Variants in LRFN2 observed in about 807,000 individuals in gnomAD.
LRFN2 encodes leucine rich repeat and fibronectin type III domain containing 2, also known as leucine-rich repeat and fibronectin type-III domain-containing protein 2.
A neutral mutation model predicts 37.3 loss-of-function variants in LRFN2; 18 were observed. The ratio of observed to expected loss-of-function variants is 0.48; its 90% CI spans 0.33 to 0.72. LRFN2 has a LOEUF of 0.72. Ranked by LOEUF, LRFN2 falls within the 30% of genes least tolerant of loss-of-function variation. LRFN2 has a pLI of 0.02. For missense variants in LRFN2, 1,006 were observed against 1,060.7 expected (o/e 0.95, Z 0.72); for synonymous variants, 556 against 466.6 (o/e 1.19, Z -2.47).
chr6:40,431,867 T>C lies in LRFN2; in HGVS notation c.1247A>G (p.Glu416Gly). The C allele has an allele frequency of 6.3e-7, 1 of 1,598,050 alleles. No individual in the cohort carries two copies. Among genetic ancestry groups the C allele is most frequent in the Non-Finnish European group, 8.5e-7 (1 of 1,170,820 alleles). Residue 416 changes from glutamate (E) to glycine (G), a missense_variant, in exon 2 of 3, where the codon GAG (glutamate) becomes GGG (glycine). Physicochemically the swap from Glu to Gly is moderately conservative, Grantham distance 98. Coordinates refer to ENST00000338305, the MANE Select transcript of LRFN2 (RefSeq NM_020737.3). ...CCGTTCCGGGGGGCTTTTGGGAGGC[T>C]CTCCGCCCCCACTGCCTCCACCTCC... The part of the protein sequence containing the change: ...SRGGGGSGGG[E>G]PPKSPPERAV...
intron 1 of LRFN2, among the ~76,000 whole-genome samples, chr6:40,568,155 T>C (rs1305088443): frequency 6.6e-6 from 1 of 152,204 alleles, no homozygotes; most frequent in Non-Finnish European, 1.5e-5. Context: ...AAGAGAAATA[T>C]GTACAGATAA....
chr6:40,544,444 T>C (rs1386692981), intron 1 of LRFN2, among the ~76,000 whole-genome samples: 2 of 152,202 alleles, frequency 1.3e-5, no homozygotes, highest in Non-Finnish European at 2.9e-5. Flanking sequence ...TCTCAGTGGA[T>C]TTGAGTAAAC....
intron 1 of LRFN2, among the ~76,000 whole-genome samples, chr6:40,443,007 T>A (rs1463178907): frequency 7.0e-6 from 1 of 141,958 alleles, no homozygotes; most frequent in Non-Finnish European, 1.6e-5. Context: ...AGGATTCTAA[T>A]AACCCCTCTT....
At chr6:40,550,235 G>T (rs1450343843) in intron 1 of LRFN2, among the ~76,000 whole-genome samples, 1 of 152,066 alleles carries the variant, frequency 6.6e-6, no homozygotes, top group African/African-American at 2.4e-5. Flanking sequence ...AAGGGCTAGG[G>T]TATGAGCAGA....
In LRFN2 at chr6:40,395,806, G is replaced by A. The variant is rs6925829; in HGVS notation, c.1401-2894C>T. Among the ~76,000 whole-genome samples, 1,165 of 152,306 alleles carry A rather than the reference G, an allele frequency of 7.6e-3. 6 individuals are homozygous for A. Among genetic ancestry groups the A allele is most frequent in the Non-Finnish European group, 0.012 (799 of 68,014 alleles). ...ATGGCAGAGCTGGGATTAAATCCCA[G>A]GGAGGCCACCGTCAGTCTGCTCTGA... On this transcript the variant is annotated intron_variant, in intron 2 of 2. Coordinates refer to ENST00000338305, the MANE Select transcript of LRFN2 (RefSeq NM_020737.3).
chr6:40,415,049 C>T (rs1449798804), intron 2 of LRFN2, among the ~76,000 whole-genome samples: 1 of 152,110 alleles, frequency 6.6e-6, no homozygotes. Context: ...CTGCCAGACC[C>T]CACATCTGCA....
At chr6:40,533,374 A>AACACAT (rs1554142743) in intron 1 of LRFN2, among the ~76,000 whole-genome samples, 8 of 143,066 alleles carry the variant, frequency 5.6e-5, no homozygotes, top group Non-Finnish European at 9.2e-5. Flanking sequence ...TCTTGCTCAA[A>AACACAT]ACACACACAC....
At chr6:40,494,963 C>T (rs1561878414) in intron 1 of LRFN2, among the ~76,000 whole-genome samples, 1 of 152,342 alleles carries the variant, frequency 6.6e-6, no homozygotes, top group Admixed American at 6.5e-5. Flanking sequence ...TTCATGCTCA[C>T]CTGGAAATCC....
chr6:40,531,106 C>T (rs576513073), intron 1 of LRFN2, among the ~76,000 whole-genome samples: 17 of 152,312 alleles, frequency 1.1e-4, no homozygotes, highest in African/African-American at 4.1e-4. Context: ...CAAAACTCAT[C>T]CCTCATGCTC....
chr6:40,497,485 C>G (rs148410716), intron 1 of LRFN2, among the ~76,000 whole-genome samples: 3 of 152,288 alleles, frequency 2.0e-5, no homozygotes, highest in South Asian at 2.1e-4. Flanking sequence ...TGTTTTCCAG[C>G]AGGAGTCATA....
Position 40,432,590 on chromosome 6 carries a change from A to G in LRFN2, c.524T>C (p.Leu175Pro). ...PWDSVRRMVN[L>P]HQLSLDHNLL... is the part of the protein sequence containing the mutation. ...GTTGTGGTCCAGGCTCAGCTGGTGG[A>G]GGTTGACCATGCGTCGCACGGAGTC... is the stretch of plus-strand genomic sequence containing the variant. The change falls in exon 2 of 3, where the codon CTC (leucine) becomes CCC (proline). Residue 175 changes from leucine to proline, a missense_variant. By Grantham distance (98) the Leu-to-Pro change is moderately conservative (BLOSUM62 -3). This residue lies in a region of LRFN2 where 185 missense variants were observed against 254.9 expected (regional missense o/e 0.73). Coordinates refer to ENST00000338305, the MANE Select transcript of LRFN2 (RefSeq NM_020737.3). 1.2e-6 allele frequency: 2 copies of G among 1,614,152 alleles called. No individual in the cohort carries two copies. Among genetic ancestry groups the G allele is most frequent in the African/African-American group, 1.3e-5 (1 of 75,050 alleles).
chr6:40,468,862 G>T (rs17626225), intron 1 of LRFN2, among the ~76,000 whole-genome samples: 4 of 151,998 alleles, frequency 2.6e-5, no homozygotes, highest in Admixed American at 2.6e-4. Flanking sequence ...GTATCCTCCC[G>T]GTCAATTTTG....
chr6:40,430,852 T>C (rs1252158585), intron 2 of LRFN2, among the ~76,000 whole-genome samples: 1 of 152,078 alleles, frequency 6.6e-6, no homozygotes, highest in Non-Finnish European at 1.5e-5. Flanking sequence ...CAGCGCTCAA[T>C]TGGGAAAGGG....
intron 2 of LRFN2, among the ~76,000 whole-genome samples, chr6:40,419,074 A>G (rs1348149608): frequency 1.3e-5 from 2 of 152,222 alleles, no homozygotes; most frequent in Admixed American, 6.5e-5. Context: ...TGTGTTCACA[A>G]GCCTGCCAGG....
intron 1 of LRFN2, among the ~76,000 whole-genome samples, chr6:40,524,363 C>T (rs71573312): frequency 6.6e-6 from 1 of 151,248 alleles, no homozygotes; most frequent in Non-Finnish European, 1.5e-5. Flanking sequence ...CCACCTCCCC[C>T]TACCCTGACT....
intron 1 of LRFN2, among the ~76,000 whole-genome samples, chr6:40,561,050 G>A (rs1002700517): frequency 2.0e-5 from 3 of 152,164 alleles, no homozygotes; most frequent in Non-Finnish European, 4.4e-5. Flanking sequence ...CCTTCACCTA[G>A]TATTATAAGC....
chr6:40,583,266 G>A (rs1327008209), intron 1 of LRFN2, among the ~76,000 whole-genome samples: 1 of 71,196 alleles, frequency 1.4e-5, no homozygotes, highest in East Asian at 2.8e-4. Context: ...GTATTAAAAT[G>A]TATGGGAGGG....
chr6:40,421,414 T>G (rs975226631), intron 2 of LRFN2, among the ~76,000 whole-genome samples: 3 of 152,190 alleles, frequency 2.0e-5, no homozygotes, highest in African/African-American at 7.2e-5. Context: ...TCAATACATG[T>G]AAGATGTACA....
chr6:40,522,987 A>G (rs418029), intron 1 of LRFN2, among the ~76,000 whole-genome samples: 103,814 of 152,126 alleles, frequency 0.68, 36,860 homozygotes, highest in African/African-American at 0.88. Context: ...CACAGGCACT[A>G]GGCCAAGTTA....
Sources: gnomAD v4.1 joint callset for allele counts (sites outside exome capture counted in the v4.1 genomes callset) on GRCh38, gnomAD v4.1.1 for gene constraint, gnomAD v4.1.1 regional missense constraint, MANE v1.5 for transcripts, NCBI Gene and HGNC (gene_info 2026-07-23, HGNC 2026-07-21) for gene names.